Variants in RNF150 observed in about 807,000 individuals in gnomAD.
RNF150 encodes ring finger protein 150.
Under a neutral mutation model 39.3 loss-of-function variants are expected in RNF150, and 24 were observed. The ratio of observed to expected loss-of-function variants is 0.61; its 90% CI spans 0.44 to 0.86. The LOEUF is 0.86. RNF150 is among the 40% of genes least tolerant of loss of function. The pLI is 0.00. For synonymous variants in RNF150, 255 were observed against 227.3 expected (o/e 1.12, Z -1.10); for missense variants, 502 against 587.8 (o/e 0.85, Z 1.51).
chr4:141,058,071 G>A (rs1737060006), intron 1 of RNF150, among the ~76,000 whole-genome samples: 1 of 152,012 alleles, frequency 6.6e-6, no homozygotes, highest in South Asian at 2.1e-4. Flanking sequence ...CCAATAAAAT[G>A]CATATACACA....
At chr4:141,082,212 C>G (rs112532014) in intron 1 of RNF150, among the ~76,000 whole-genome samples, 3,508 of 152,282 alleles carry the variant, frequency 0.023, 59 homozygotes, top group South Asian at 0.035. Context: ...TGGCCAAATT[C>G]CCTGAAGGCT....
At chr4:140,912,347 T>C (rs1730638726) in intron 5 of RNF150, among the ~76,000 whole-genome samples, 1 of 152,214 alleles carries the variant, frequency 6.6e-6, no homozygotes, top group Non-Finnish European at 1.5e-5. Context: ...TTAAGCAGGA[T>C]TAAGAACAGC....
At chr4:140,926,324 A>C (rs1299468960) in intron 4 of RNF150, among the ~76,000 whole-genome samples, 1 of 152,214 alleles carries the variant, frequency 6.6e-6, no homozygotes, top group African/African-American at 2.4e-5. Context: ...AAATGTAGAA[A>C]ATGCAGAAAC....
chr4:141,053,742 C>T (rs754846363), intron 1 of RNF150: 61 of 1,348,176 alleles, frequency 4.5e-5, no homozygotes, highest in African/African-American at 7.5e-5. Context: ...CTGTGAACAA[C>T]GATAAAAATG....
intron 1 of RNF150, among the ~76,000 whole-genome samples, chr4:141,122,316 C>T (rs1274500307): frequency 1.3e-5 from 2 of 152,212 alleles, no homozygotes; most frequent in Admixed American, 6.5e-5. Context: ...TCGCCACCTT[C>T]GGTGGTGTCT....
At chr4:141,052,851 G>A (rs1330655233) in intron 1 of RNF150, among the ~76,000 whole-genome samples, 1 of 152,082 alleles carries the variant, frequency 6.6e-6, no homozygotes, top group Non-Finnish European at 1.5e-5. Flanking sequence ...ATGCTTATCT[G>A]AAATCTCCCA....
Position 140,861,143 on chromosome 4 carries a change from A to G in RNF150, c.*7118T>C, listed in dbSNP as rs1175311801. On this transcript the variant is annotated 3_prime_UTR_variant, in exon 7 of 7. Coordinates refer to ENST00000515673, the MANE Select transcript of RNF150 (RefSeq NM_020724.2). ...AGCAGGAAGTAAATATATTATGTAC[A>G]TGTACAAAACACATCAGTATTTCAC... 2 of 152,218 alleles carry G rather than the reference A, an allele frequency of 1.3e-5. No homozygotes were observed. Among genetic ancestry groups the G allele is most frequent in the East Asian group, 1.9e-4 (1 of 5,204 alleles). 9.4% of individuals were successfully genotyped at this position (152,218 alleles called of 1,614,324 possible).
chr4:141,139,992 AC>A (rs1434433668), intron 1 of RNF150, among the ~76,000 whole-genome samples: 1 of 151,986 alleles, frequency 6.6e-6, no homozygotes, highest in African/African-American at 2.4e-5. Context: ...TCAAGCCTTC[AC>A]TTCATTTTTT....
chr4:141,138,162 A>C (rs1196410756), upstream of RNF150, among the ~76,000 whole-genome samples: 2 of 152,224 alleles, frequency 1.3e-5, no homozygotes, highest in East Asian at 3.8e-4. Flanking sequence ...CTTCTAAAAA[A>C]TGAATCATAA....
chr4:141,206,910 G>A (rs890506810), intron 1 of RNF150, among the ~76,000 whole-genome samples: 17 of 151,986 alleles, frequency 1.1e-4, no homozygotes, highest in African/African-American at 1.7e-4. Context: ...GAGAACCCCC[G>A]AGAAGCTGCT....
chr4:140,977,678 A>T (rs1333579319), intron 1 of RNF150, among the ~76,000 whole-genome samples: 3 of 152,312 alleles, frequency 2.0e-5, no homozygotes, highest in Non-Finnish European at 4.4e-5. Context: ...TGAACCTCTC[A>T]TATACTCCCA....
At chr4:140,985,081 C>T (rs1364883) in intron 1 of RNF150, among the ~76,000 whole-genome samples, 146,947 of 152,260 alleles carry the variant, frequency 0.97, 71,122 homozygotes, top group East Asian at 1. Flanking sequence ...TTTTCTTTCT[C>T]CATAGTTCTC....
At chr4:141,161,580 C>T (rs2111158472) in intron 1 of RNF150, among the ~76,000 whole-genome samples, 1 of 152,310 alleles carries the variant, frequency 6.6e-6, no homozygotes, top group African/African-American at 2.4e-5. Flanking sequence ...GGGGAAAAGC[C>T]CTCCAGGGAA....
intron 1 of RNF150, among the ~76,000 whole-genome samples, chr4:140,980,646 T>G (rs1482445027): frequency 3.3e-5 from 5 of 152,188 alleles, no homozygotes; most frequent in African/African-American, 9.6e-5. Context: ...TCTTATGAGA[T>G]CTGATGCTTT....
chr4:140,952,633 G>A (rs903555337), intron 2 of RNF150, among the ~76,000 whole-genome samples: 1 of 152,150 alleles, frequency 6.6e-6, no homozygotes, highest in Non-Finnish European at 1.5e-5. Context: ...GCAAACTGAC[G>A]TTAAGGTGAC....
chr4:141,049,886 T>C (rs757112015), intron 1 of RNF150, among the ~76,000 whole-genome samples: 4 of 151,928 alleles, frequency 2.6e-5, no homozygotes, highest in Non-Finnish European at 5.9e-5. Flanking sequence ...AAAAGATAAA[T>C]GTGATAAGGA....
At chr4:141,091,555 TCA>T (rs1251072290) in intron 1 of RNF150, among the ~76,000 whole-genome samples, 3 of 152,240 alleles carry the variant, frequency 2.0e-5, no homozygotes, top group Admixed American at 6.5e-5. Flanking sequence ...CTCCACTGTT[TCA>T]AAAAACAGTA....
At chr4:141,204,841 A>T (rs993399465) in intron 1 of RNF150, among the ~76,000 whole-genome samples, 2 of 152,194 alleles carry the variant, frequency 1.3e-5, no homozygotes, top group African/African-American at 4.8e-5. Context: ...CAGATATGCA[A>T]ATCTTATCTC....
chr4:141,110,905 G>C (rs1739364314), intron 1 of RNF150, among the ~76,000 whole-genome samples: 1 of 152,130 alleles, frequency 6.6e-6, no homozygotes, highest in South Asian at 2.1e-4. Flanking sequence ...AAGATGCCTT[G>C]AACTCAATCA....
Sources: allele counts gnomAD v4.1 joint callset (sites outside exome capture counted in the v4.1 genomes callset), GRCh38; gene constraint gnomAD v4.1.1; transcripts MANE v1.5; gene names NCBI Gene and HGNC (gene_info 2026-07-23, HGNC 2026-07-21).